The following CCND3 variants were observed in gnomAD, a reference collection of about 807,000 sequenced individuals.
CCND3 encodes the protein G1/S-specific cyclin-D3.
CCND3 carries 9 observed loss-of-function variants against 28.7 expected under a neutral mutation model. The observed-to-expected ratio is 0.31, with a 90% CI of 0.19 to 0.55. CCND3 has a LOEUF of 0.55. Among genes scored for constraint, CCND3 ranks in the 20% least tolerant of loss-of-function variants. The probability of loss-of-function intolerance (pLI) is 0.93; values close to 1 mark genes in which losing one functional copy is unlikely to be tolerated. For missense variants in CCND3, 315 were observed against 385.8 expected (o/e 0.82, Z 1.54); for synonymous variants, 164 against 163.9 (o/e 1.00, Z 0.00).
intron 1 of CCND3, among the ~76,000 whole-genome samples, chr6:41,954,973 G>A (rs918325106): frequency 1.3e-5 from 2 of 152,094 alleles, no homozygotes; most frequent in Admixed American, 1.3e-4. Context: ...AACCAATCCT[G>A]AACCACCTAC....
intron 1 of CCND3, among the ~76,000 whole-genome samples, chr6:42,028,435 T>C (rs1763944599): frequency 6.6e-6 from 1 of 152,200 alleles, no homozygotes; most frequent in South Asian, 2.1e-4. Context: ...CCTGTGCCCA[T>C]CTCATTTTTG....
rs956471154 is a variant in CCND3 at position 41,941,594 on chromosome 6, G to C, written c.56C>G (p.Pro19Arg). 2.6e-6 allele frequency: 4 copies of C among 1,543,486 alleles called. No homozygotes were observed. The highest frequency in any genetic ancestry group is 3.5e-6 in the Non-Finnish European group (4 of 1,143,474). Residue 19 changes from proline to arginine, a missense_variant, in exon 1 of 5, where the codon CCG becomes CGG. By Grantham distance (103) the Pro-to-Arg change is moderately radical. Transcript: ENST00000372991. The surrounding 1 kb of genome is among the most constrained non-coding windows in gnomAD (Gnocchi z 6.1). The stretch of plus-strand genomic sequence containing the variant: ...GACACGCTGGTCCCCCAGCAGCCGC[G>C]GGTCCGGCCCGGCCCGGGGCGCGTG... Reference protein sequence around the residue: ...TRHAPRAGPDPRLLGDQRVLQ... With the variant: ...TRHAPRAGPDRRLLGDQRVLQ...
At chr6:41,964,282 G>C (rs372458615) in intron 1 of CCND3, among the ~76,000 whole-genome samples, 2 of 134,068 alleles carry the variant, frequency 1.5e-5, no homozygotes, top group East Asian at 3.9e-4. Flanking sequence ...GCGTGTGTAT[G>C]TGTGTGTGTG....
At chr6:41,988,980 T>A (rs1716669039) in intron 1 of CCND3, among the ~76,000 whole-genome samples, 1 of 152,000 alleles carries the variant, frequency 6.6e-6, no homozygotes, top group Admixed American at 6.6e-5. Flanking sequence ...ATTACAGGCG[T>A]GAGCCACCTC....
chr6:42,011,528 G>T (rs1466217590), intron 1 of CCND3, among the ~76,000 whole-genome samples: 1 of 152,188 alleles, frequency 6.6e-6, no homozygotes, highest in Non-Finnish European at 1.5e-5. Flanking sequence ...GACACAGTCT[G>T]CAGGAGATGA....
chr6:41,935,840 C>T lies in CCND3; in HGVS notation c.*100G>A. 8.7e-7 allele frequency: 1 copy of T among 1,147,846 alleles called. No homozygotes were observed. Among genetic ancestry groups the T allele is most frequent in the Non-Finnish European group, 1.3e-6 (1 of 788,070 alleles). The allele number at this position is 1,147,846 out of a possible 1,614,324, so 71.1% of individuals were successfully genotyped here. ...GGGCTTTGTGAAGGGGGAACAGACG[C>T]CCCTTCAGGCTTAGATGTGGTGTGG... On this transcript the variant is annotated 3_prime_UTR_variant, in exon 5 of 5. Transcript: ENST00000372991.
intron 1 of CCND3, among the ~76,000 whole-genome samples, chr6:41,970,302 G>A (rs915941310): frequency 2.0e-5 from 3 of 152,000 alleles, no homozygotes; most frequent in South Asian, 2.1e-4. Context: ...TCGCGCCACT[G>A]CACTCCAGCC....
chr6:42,022,816 G>C (rs976550942), intron 1 of CCND3, among the ~76,000 whole-genome samples: 1 of 152,184 alleles, frequency 6.6e-6, no homozygotes, highest in African/African-American at 2.4e-5. Context: ...GTGCAGCCAG[G>C]GCAGCAACAT....
chr6:42,017,210 T>A (rs1582167262), intron 1 of CCND3, among the ~76,000 whole-genome samples: 1 of 152,098 alleles, frequency 6.6e-6, no homozygotes, highest in African/African-American at 2.4e-5. Flanking sequence ...GTGCCCATGG[T>A]CCCCTGCCTC....
At chr6:42,024,279 T>C (rs1275316953) in intron 1 of CCND3, among the ~76,000 whole-genome samples, 1 of 151,926 alleles carries the variant, frequency 6.6e-6, no homozygotes, top group East Asian at 1.9e-4. Flanking sequence ...GGCGGGCACC[T>C]GTAGTCTCAG....
chr6:42,011,727 A>G (rs1763350557), intron 1 of CCND3, among the ~76,000 whole-genome samples: 1 of 152,188 alleles, frequency 6.6e-6, no homozygotes. Context: ...GCATACAGCC[A>G]TGAACAGATG....
At chr6:42,044,340 A>G (rs1301425002) in intron 1 of CCND3, among the ~76,000 whole-genome samples, 1 of 151,938 alleles carries the variant, frequency 6.6e-6, no homozygotes, top group Non-Finnish European at 1.5e-5. Context: ...ACCCGGCAAC[A>G]CTCTTCATTC....
intron 1 of CCND3, among the ~76,000 whole-genome samples, chr6:41,957,290 CT>C (rs1384994338): frequency 6.6e-6 from 1 of 152,182 alleles, no homozygotes; most frequent in Non-Finnish European, 1.5e-5. Flanking sequence ...CAAGGACCTG[CT>C]TATCAGGTTA....
intron 1 of CCND3, among the ~76,000 whole-genome samples, chr6:42,023,748 C>T (rs1763782721): frequency 6.6e-6 from 1 of 151,954 alleles, no homozygotes; most frequent in East Asian, 1.9e-4. Flanking sequence ...ACACTAAAAG[C>T]AAAAAATACA....
intron 1 of CCND3, among the ~76,000 whole-genome samples, chr6:41,957,937 G>A (rs908682533): frequency 2.0e-5 from 3 of 151,464 alleles, no homozygotes; most frequent in Admixed American, 1.3e-4. Context: ...CTCCTACCTC[G>A]GCTTCCCAAA....
At chr6:41,948,711 G>A (rs951722275) in intron 1 of CCND3, among the ~76,000 whole-genome samples, 4 of 151,678 alleles carry the variant, frequency 2.6e-5, no homozygotes, top group Admixed American at 6.6e-5. Flanking sequence ...ATGGTGGCGC[G>A]TGCCTGTAAT....
chr6:42,044,288 G>A (rs1349978233), intron 1 of CCND3, among the ~76,000 whole-genome samples: 2 of 152,226 alleles, frequency 1.3e-5, no homozygotes, highest in Non-Finnish European at 2.9e-5. Flanking sequence ...CTGGTGATGG[G>A]CTGGGAGCAG....
chr6:41,972,989 G>T (rs1030818680), intron 1 of CCND3, among the ~76,000 whole-genome samples: 27 of 152,102 alleles, frequency 1.8e-4, no homozygotes, highest in Non-Finnish European at 3.2e-4. Context: ...ACATGGCTAA[G>T]CTGGGGAAGA....
At chr6:41,990,420 T>C (rs1042886415) in intron 1 of CCND3, among the ~76,000 whole-genome samples, 3 of 152,078 alleles carry the variant, frequency 2.0e-5, no homozygotes, top group Non-Finnish European at 4.4e-5. Flanking sequence ...TGTCAGTATA[T>C]TCTTCATAGA....
Sources: gnomAD v4.1 joint callset for allele counts (sites outside exome capture counted in the v4.1 genomes callset) on GRCh38, gnomAD v4.1.1 for gene constraint, Gnocchi (gnomAD v3.1) non-coding constraint, MANE v1.5 for transcripts, NCBI Gene and HGNC (gene_info 2026-07-23, HGNC 2026-07-21) for gene names.